Variants in SNF8 observed in about 807,000 individuals in gnomAD.
The protein encoded by SNF8 is vacuolar-sorting protein SNF8.
In SNF8, 19 loss-of-function variants were observed where a neutral mutation model predicts 36.8. The ratio of observed to expected loss-of-function variants is 0.52; its 90% CI spans 0.36 to 0.76. The LOEUF is 0.76. SNF8 is among the 30% of genes least tolerant of loss of function. The probability of loss-of-function intolerance (pLI) is 0.00; values close to 1 mark genes in which losing one functional copy is unlikely to be tolerated. For missense variants in SNF8, 268 were observed against 322.9 expected (o/e 0.83, Z 1.30); for synonymous variants, 127 against 127.4 (o/e 1.00, Z 0.02).
At chr17:48,936,129 A>G in intron 5 of SNF8, 41 bp downstream of exon 5, 1 of 1,450,918 alleles carries the variant, frequency 6.9e-7, no homozygotes. Context: ...AATTTTAAAG[A>G]CCTCTTTCTG....
chr17:48,944,663 G>A lies in SNF8; in HGVS notation c.54+18C>T, dbSNP rs2041078118. The A allele has an allele frequency of 1.9e-6, 3 of 1,612,130 alleles. No individual in the cohort carries two copies. Among genetic ancestry groups the A allele is most frequent in the Admixed American group, 1.7e-5 (1 of 59,942 alleles). On this transcript the variant is annotated intron_variant, in intron 1 of 7. Coordinates refer to ENST00000502492, the MANE Select transcript of SNF8 (RefSeq NM_007241.4). ...ACGGGTCAGGGGCAGGTTGTGGGTCGGCCTTCTTCCTGCTCACCTCTGCAA... is the reference window on the plus strand; with the variant it reads ...ACGGGTCAGGGGCAGGTTGTGGGTCAGCCTTCTTCCTGCTCACCTCTGCAA...
intron 2 of SNF8, 72 bp from the exon 3 acceptor site, chr17:48,941,134 A>G (rs1024059620): frequency 6.4e-7 from 1 of 1,558,624 alleles, no homozygotes; most frequent in African/African-American, 1.3e-5. Context: ...ACAGGTCCCC[A>G]GCCCTGTGGC....
chr17:48,932,890 T>G (rs1256605937), intron 6 of SNF8: 1 of 265,120 alleles, frequency 3.8e-6, no homozygotes, highest in African/African-American at 2.2e-5. Context: ...CATAAAGTAG[T>G]TTCAAAAGAC....
intron 3 of SNF8, among the ~76,000 whole-genome samples, chr17:48,940,072 C>CAAAAA (rs34067220): frequency 1.1e-5 from 1 of 91,400 alleles, no homozygotes. Context: ...AAGACTGTCT[C>CAAAAA]AAAAAAAAAA....
chr17:48,930,824 T>C (rs910227530), intron 7 of SNF8, among the ~76,000 whole-genome samples: 2 of 152,250 alleles, frequency 1.3e-5, no homozygotes, highest in Non-Finnish European at 1.5e-5. Context: ...ATTTAACTTG[T>C]GCTGCTGGGG....
chr17:48,940,417 G>A (rs1336984679), intron 3 of SNF8, among the ~76,000 whole-genome samples: 1 of 152,084 alleles, frequency 6.6e-6, no homozygotes, highest in East Asian at 1.9e-4. Flanking sequence ...AATGATCACA[G>A]ACACTGGCTA....
intron 7 of SNF8, among the ~76,000 whole-genome samples, chr17:48,931,435 G>A (rs2040857568): frequency 1.3e-5 from 2 of 152,178 alleles, no homozygotes; most frequent in Non-Finnish European, 2.9e-5. Context: ...CTGGTATTGT[G>A]TGCATGCCAG....
rs367774573 is a variant in SNF8, at chr17:48,935,381, C to T, written c.422+789G>A. On this transcript the variant is annotated intron_variant, in intron 5 of 7. Transcript: ENST00000502492. ...ACAAAAAATTAGCCGGGCGTGGTGG[C>T]GGGCGCCTGTAGTCCCAGCTACTCG... Among the ~76,000 whole-genome samples, 33 of 151,708 alleles carry T rather than the reference C, an allele frequency of 2.2e-4. No homozygotes were observed. In the South Asian group the frequency reaches 5.6e-3, roughly 26 times the overall value.
chr17:48,936,738 CA>C, intron 4 of SNF8: 1 of 478,442 alleles, frequency 2.1e-6, no homozygotes, highest in South Asian at 2.7e-5. Context: ...CATCAGACAT[CA>C]GGGGAAAAGG....
chr17:48,940,455 T>C (rs1028526924), intron 3 of SNF8, among the ~76,000 whole-genome samples: 10 of 152,082 alleles, frequency 6.6e-5, no homozygotes, highest in African/African-American at 2.4e-4. Flanking sequence ...CTATCTTCCA[T>C]ATCAGACTGG....
chr17:48,943,386 G>A (rs1220349728), intron 2 of SNF8, among the ~76,000 whole-genome samples: 1 of 152,238 alleles, frequency 6.6e-6, no homozygotes, highest in East Asian at 1.9e-4. Context: ...CAAGGTGGGC[G>A]GATCACGAGG....
intron 1 of SNF8, 185 bp from the exon 2 acceptor site, chr17:48,944,160 G>T: frequency 3.7e-6 from 2 of 534,880 alleles, no homozygotes. Flanking sequence ...AAAATAGCCG[G>T]ACGTGGTGGT....
chr17:48,935,232 G>A (rs374383822), intron 5 of SNF8, among the ~76,000 whole-genome samples: 2 of 152,024 alleles, frequency 1.3e-5, no homozygotes, highest in Non-Finnish European at 2.9e-5. Context: ...TTAGCCAGGC[G>A]GCCAGGCGCG....
rs1166413046 is a variant in SNF8 at position 48,937,351 on chromosome 17, G to C, written c.245-227C>G. ...GCAATCTAAAAGTCATTTCTGGCCG[G>C]GCGCAGTGGCTCACGCCTGTAATTC... On this transcript the variant is annotated intron_variant, in intron 3 of 7. Coordinates refer to ENST00000502492, the MANE Select transcript of SNF8 (RefSeq NM_007241.4). 13 of 641,408 alleles carry C rather than the reference G, an allele frequency of 2.0e-5. No homozygotes were observed. The East Asian group carries it at 4.1e-4, about 20-fold the overall frequency. 39.7% of individuals were successfully genotyped at this position (641,408 alleles called of 1,614,324 possible).
chr17:48,936,681 G>A, intron 4 of SNF8: 2 of 357,814 alleles, frequency 5.6e-6, no homozygotes, highest in Middle Eastern at 8.6e-4. Context: ...ATACGTCGGA[G>A]AGACAGTGCA....
rs1354686839 is a variant in SNF8, at chr17:48,929,616, G to A, written c.*859C>T. Reference sequence around the variant, plus strand: ...GTAGAAAAATGTCTACACACAGTATGTGCTGCCATTCTGTACTATGCAGTG... The same window carrying A: ...GTAGAAAAATGTCTACACACAGTATATGCTGCCATTCTGTACTATGCAGTG... On this transcript the variant is annotated 3_prime_UTR_variant, in exon 8 of 8. Coordinates refer to ENST00000502492, the MANE Select transcript of SNF8 (RefSeq NM_007241.4). The A allele has an allele frequency of 6.6e-6, 1 of 152,152 alleles. No homozygotes were observed. Among genetic ancestry groups the A allele is most frequent in the East Asian group, 1.9e-4 (1 of 5,190 alleles). 9.4% of individuals were successfully genotyped at this position (152,152 alleles called of 1,614,324 possible).
intron 3 of SNF8, 34 bp downstream of exon 3, chr17:48,940,890 T>G (rs373384044): frequency 2.5e-6 from 4 of 1,606,108 alleles, no homozygotes; most frequent in Non-Finnish European, 3.4e-6. Context: ...AGGTACTCTA[T>G]AAGAACGCTG....
intron 5 of SNF8, among the ~76,000 whole-genome samples, chr17:48,935,512 C>CAAA (rs34255720): frequency 3.4e-5 from 3 of 88,946 alleles, no homozygotes; most frequent in African/African-American, 7.4e-5. Flanking sequence ...GACTCTGTCT[C>CAAA]AAAAAAAAAA....
chr17:48,937,815 A>G (rs1201983046), intron 3 of SNF8, among the ~76,000 whole-genome samples: 1 of 151,936 alleles, frequency 6.6e-6, no homozygotes, highest in African/African-American at 2.4e-5. Flanking sequence ...AATCTCAGCT[A>G]CTCAGGAGAC....
Sources: gnomAD v4.1 joint callset for allele counts (sites outside exome capture counted in the v4.1 genomes callset) on GRCh38, gnomAD v4.1.1 for gene constraint, MANE v1.5 for transcripts, NCBI Gene and HGNC (gene_info 2026-07-23, HGNC 2026-07-21) for gene names.